MRPS15: variants seen among roughly 807,000 people sequenced by gnomAD.
The protein encoded by MRPS15 is small ribosomal subunit protein uS15m.
MRPS15 carries 25 observed loss-of-function variants against 30.7 expected under a neutral mutation model. That is an observed-to-expected ratio of 0.81 (90% CI 0.59 to 1.14). The LOEUF (loss-of-function observed/expected upper bound fraction) is 1.14, where lower values mean the gene tolerates loss of function less well. MRPS15 is among the 50% of genes most tolerant of loss of function. MRPS15 has a pLI of 0.00. For synonymous variants in MRPS15, 124 were observed against 120.1 expected, an observed-to-expected ratio of 1.03 and a Z score of -0.21; for missense variants, 313 against 321.7, an observed-to-expected ratio of 0.97 and a Z score of 0.21.
chr1:36,456,488 AAAT>A (rs1649997847), intron 6 of MRPS15, 110 bp from the exon 7 acceptor site: 2 of 1,032,948 alleles, frequency 1.9e-6, no homozygotes, highest in Non-Finnish European at 1.4e-6. Context: ...AATCTTATGC[AAAT>A]ATTAATGCAA....
rs1649984924 is a variant in MRPS15 at position 36,455,914 on chromosome 1, C to T, written c.648G>A (p.Glu216=). Reference sequence around the variant, plus strand: ...TTCTTCGCTTCTTCAGCTTTTGAGTCTCCTGGAAAACCTGGGGATGAAAAG... The same window carrying T: ...TTCTTCGCTTCTTCAGCTTTTGAGTTTCCTGGAAAACCTGGGGATGAAAAG... The part of the protein sequence containing the change: ...KKALCIRVFQ[E]TQKLKKRRRA... Residue 216 remains glutamate, a synonymous_variant, in exon 8 of 8, where the codon GAG becomes GAA. Transcript: ENST00000373116. 6.2e-7 allele frequency: 1 copy of T among 1,612,942 alleles called. No individual in the cohort carries two copies. The highest frequency in any genetic ancestry group is 1.7e-5 in the Admixed American group (1 of 59,696).
At chr1:36,460,872 C>G (rs1455605971) in intron 4 of MRPS15, 96 bp from the exon 5 acceptor site, 4 of 1,011,728 alleles carry the variant, frequency 4.0e-6, no homozygotes, top group Non-Finnish European at 6.1e-6. Context: ...GTTATAGCAA[C>G]TAGGGCCATA....
At chr1:36,456,073 C>G in intron 7 of MRPS15, 114 bp downstream of exon 7, 1 of 1,483,474 alleles carries the variant, frequency 6.7e-7, no homozygotes, top group Non-Finnish European at 9.0e-7. Context: ...TGGATCCATT[C>G]CAGGGCCTGG....
In MRPS15 at chr1:36,456,340, G is replaced by A. The variant is rs368607982; in HGVS notation, c.483C>T (p.Asp161=). 13 of 1,613,750 alleles carry A rather than the reference G, an allele frequency of 8.1e-6. No individual in the cohort carries two copies. Among genetic ancestry groups the A allele is most frequent in the African/African-American group, 1.3e-5 (1 of 74,880 alleles). Residue 161 remains aspartate, a synonymous_variant, in exon 7 of 8, where the codon GAC becomes GAT. Transcript: ENST00000373116. ...GGTTTTTGAGCATCTTTTTCCTCTGGTCAATGCTCATTAGCAGATAGCGTT... is the reference window on the plus strand; with the variant it reads ...GGTTTTTGAGCATCTTTTTCCTCTGATCAATGCTCATTAGCAGATAGCGTT... The part of the protein sequence containing the change: ...AHKRYLLMSI[D]QRKKMLKNLR...
At chr1:36,459,166 G>A in intron 5 of MRPS15, 1 of 152,440 alleles carries the variant, frequency 6.6e-6, no homozygotes, top group Non-Finnish European at 1.5e-5. Flanking sequence ...GGCTGAGGCA[G>A]GTGAATTACT....
chr1:36,456,994 T>C (rs1256514979), intron 6 of MRPS15, among the ~76,000 whole-genome samples: 1 of 152,152 alleles, frequency 6.6e-6, no homozygotes, highest in Admixed American at 6.6e-5. Context: ...GTTAAGAATA[T>C]GGCTGGCCAT....
At chr1:36,456,115 G>T (rs983434200) in intron 7 of MRPS15, 72 bp downstream of exon 7, 2 of 1,527,192 alleles carry the variant, frequency 1.3e-6, no homozygotes, top group Non-Finnish European at 1.8e-6. Flanking sequence ...AGAAACAGAT[G>T]ATCCCTCCCT....
At position 36,463,862 on chromosome 1, in the gene MRPS15, A is replaced by C; in HGVS notation, c.131-12T>G. 1 of 1,611,212 alleles carries C rather than the reference A, an allele frequency of 6.2e-7. No individual in the cohort carries two copies. The highest frequency in any genetic ancestry group is 2.2e-5 in the East Asian group (1 of 44,822). On this transcript the variant is annotated splice_polypyrimidine_tract_variant and intron_variant, in intron 1 of 7. Coordinates refer to ENST00000373116, the MANE Select transcript of MRPS15 (RefSeq NM_031280.4). The stretch of plus-strand genomic sequence containing the variant: ...CTGGAGGAGGAGACCTACGCAGAAA[A>C]GAGAGGGCTGAGGACCATCTCCTTA...
rs1262342056 is a variant in MRPS15 at position 36,463,904 on chromosome 1, G to T, written c.131-54C>A. ...ATCTCCTTAAATAGCCCACCCCTCA[G>T]TTCCTTTCTGTGCCCCTCGCATTGC... On this transcript the variant is annotated intron_variant, in intron 1 of 7. Transcript: ENST00000373116. 5.1e-6 allele frequency: 8 copies of T among 1,575,588 alleles called. No individual in the cohort carries two copies. The East Asian group carries it at 1.6e-4, about 31-fold the overall frequency.
At chr1:36,461,782 G>A (rs892850571) in intron 3 of MRPS15, among the ~76,000 whole-genome samples, 1 of 152,144 alleles carries the variant, frequency 6.6e-6, no homozygotes, top group Admixed American at 6.5e-5. Context: ...GGGACATACA[G>A]CTTTTGTGAG....
chr1:36,457,253 G>C (rs1365975460), intron 6 of MRPS15, among the ~76,000 whole-genome samples: 1 of 150,664 alleles, frequency 6.6e-6, no homozygotes, highest in East Asian at 1.9e-4. Context: ...TCCAGCCTGG[G>C]TGACAGAGCA....
At position 36,463,858 on chromosome 1, in the gene MRPS15, G is replaced by C. The variant is rs72921217; in HGVS notation, c.131-8C>G. ...CGGCCTGGAGGAGGAGACCTACGCAGAAAAGAGAGGGCTGAGGACCATCTC... is the reference window on the plus strand; with the variant it reads ...CGGCCTGGAGGAGGAGACCTACGCACAAAAGAGAGGGCTGAGGACCATCTC... On this transcript the variant is annotated splice_region_variant and splice_polypyrimidine_tract_variant and intron_variant, in intron 1 of 7. Transcript: ENST00000373116. 14,411 of 1,611,618 alleles carry C rather than the reference G, an allele frequency of 8.9e-3. 885 individuals carry two copies. In the African/African-American group the frequency reaches 0.15, roughly 17 times the overall value.
chr1:36,461,185 T>C, intron 4 of MRPS15, 79 bp downstream of exon 4: 2 of 1,312,514 alleles, frequency 1.5e-6, no homozygotes, highest in Non-Finnish European at 2.2e-6. Flanking sequence ...AAGCATGAGA[T>C]GCGGGGTGCT....
At chr1:36,459,367 T>A (rs1183417373) in intron 5 of MRPS15, 1 of 145,058 alleles carries the variant, frequency 6.9e-6, no homozygotes, top group Admixed American at 7.1e-5. Context: ...ACTGACTGCA[T>A]TCCAGCCTGA....
intron 1 of MRPS15, 127 bp downstream of exon 1, chr1:36,464,019 C>T (rs1650154717): frequency 2.1e-6 from 3 of 1,411,880 alleles, no homozygotes; most frequent in Non-Finnish European, 2.9e-6. Context: ...TCACCTCTTG[C>T]GCAACCACCG....
chr1:36,456,597 G>A lies in MRPS15; in HGVS notation c.445-219C>T, dbSNP rs145917689. The A allele has an allele frequency of 2.8e-4, 143 of 509,930 alleles. No individual in the cohort carries two copies. In the East Asian group the frequency reaches 4.4e-3, roughly 16 times the overall value. 31.6% of individuals were successfully genotyped at this position (509,930 alleles called of 1,614,324 possible). On this transcript the variant is annotated intron_variant, in intron 6 of 7. Coordinates refer to ENST00000373116, the MANE Select transcript of MRPS15 (RefSeq NM_031280.4). The stretch of plus-strand genomic sequence containing the variant: ...TGATTCACAAAAGGTCTTTAGAACT[G>A]TGAGTGCTGAGATAGGGTCTTGAAT...
intron 6 of MRPS15, among the ~76,000 whole-genome samples, chr1:36,457,035 A>C (rs1650005145): frequency 6.6e-6 from 1 of 152,168 alleles, no homozygotes; most frequent in South Asian, 2.1e-4. Flanking sequence ...TCAGCACTTT[A>C]GGAGGCCGAG....
At chr1:36,460,602 A>C in intron 5 of MRPS15, 90 bp downstream of exon 5, 1 of 970,014 alleles carries the variant, frequency 1.0e-6, no homozygotes, top group Non-Finnish European at 1.7e-6. Flanking sequence ...TCCCCAGCCC[A>C]TGTGCATGTG....
Position 36,455,756 on chromosome 1 carries a change from C to T in MRPS15, c.*32G>A, listed in dbSNP as rs778209761. 4 of 1,610,048 alleles carry T rather than the reference C, an allele frequency of 2.5e-6. No individual in the cohort carries two copies. In the African/African-American group the frequency reaches 5.4e-5, roughly 22 times the overall value. On this transcript the variant is annotated 3_prime_UTR_variant, in exon 8 of 8. Transcript: ENST00000373116. Reference sequence around the variant, plus strand: ...GAGCCCCATCATCTCTCCTATCATTCTTCAAGACAGAAAGAAATGATTGAA... The same window carrying T: ...GAGCCCCATCATCTCTCCTATCATTTTTCAAGACAGAAAGAAATGATTGAA...
Sources: gnomAD v4.1 joint callset for allele counts (sites outside exome capture counted in the v4.1 genomes callset) on GRCh38, gnomAD v4.1.1 for gene constraint, MANE v1.5 for transcripts, NCBI Gene and HGNC (gene_info 2026-07-23, HGNC 2026-07-21) for gene names.